MMD2: variants seen among roughly 807,000 people sequenced by gnomAD.
MMD2 encodes monocyte to macrophage differentiation associated 2, also known as monocyte to macrophage differentiation factor 2.
A neutral mutation model predicts 33.5 loss-of-function variants in MMD2; 30 were observed. The observed-to-expected ratio is 0.90, with a 90% CI of 0.67 to 1.22. The LOEUF is 1.22. Ranked by LOEUF, MMD2 falls within the 50% of genes most tolerant of loss-of-function variation. MMD2 has a pLI of 0.00. For synonymous variants in MMD2, 129 were observed against 123.0 expected, an observed-to-expected ratio of 1.05 and a Z score of -0.32; for missense variants, 364 against 325.4, an observed-to-expected ratio of 1.12 and a Z score of -0.91.
intron 2 of MMD2, among the ~76,000 whole-genome samples, chr7:4,924,298 C>A (rs1039170318): frequency 1.3e-5 from 2 of 152,268 alleles, no homozygotes; most frequent in African/African-American, 2.4e-5. Context: ...TTCTATGACA[C>A]CGGTGGCCCA....
the MMD2 span, among the ~76,000 whole-genome samples, chr7:4,895,568 G>A: frequency 5.9e-5 from 9 of 151,720 alleles, no homozygotes; most frequent in African/African-American, 1.5e-4. Context: ...ACGGAGTCTC[G>A]CTCTGTCACC....
intron 1 of MMD2, among the ~76,000 whole-genome samples, chr7:4,944,502 G>A (rs1225652336): frequency 6.6e-6 from 1 of 152,096 alleles, no homozygotes; most frequent in Non-Finnish European, 1.5e-5. Context: ...GATGCTCTCC[G>A]TTTTTCAACC....
Position 4,926,774 on chromosome 7 carries a change from G to T in MMD2, c.48-1242C>A, listed in dbSNP as rs553997441. ...TTTTCTTTTTTTTTGAGACGGAGTC[G>T]TGCTCTGTCGCCCAGGCTGGAGTGC... On this transcript the variant is annotated intron_variant, in intron 1 of 6. Coordinates refer to ENST00000401401, the MANE Select transcript of MMD2 (RefSeq NM_198403.4). Among the ~76,000 whole-genome samples the T allele has an allele frequency of 5.9e-5, 9 of 151,330 alleles. No individual in the cohort carries two copies. In the South Asian group the frequency reaches 6.3e-4, roughly 11 times the overall value.
At chr7:4,933,449 T>C (rs887918858) in intron 1 of MMD2, among the ~76,000 whole-genome samples, 1 of 152,098 alleles carries the variant, frequency 6.6e-6, no homozygotes, top group Admixed American at 6.6e-5. Context: ...TCCTGGTAAT[T>C]ATTCTCGACT....
Position 4,907,124 on chromosome 7 carries a change from C to T in MMD2, c.*272G>A, listed in dbSNP as rs1241254263. The T allele has an allele frequency of 1.2e-5, 5 of 425,066 alleles. No homozygotes were observed. The highest frequency in any genetic ancestry group is 2.1e-5 in the Non-Finnish European group (5 of 232,804). The allele number at this position is 425,066 out of a possible 1,614,324, so 26.3% of individuals were successfully genotyped here. A position where few individuals can be genotyped will look rare whatever the true frequency, so the allele number is the denominator to read the frequency against. On this transcript the variant is annotated 3_prime_UTR_variant, in exon 7 of 7. Coordinates refer to ENST00000401401, the MANE Select transcript of MMD2 (RefSeq NM_198403.4). ...TCCAGGACCATGCCTGCTTCCTTTT[C>T]TGAAGATGTTAATGTTGCTTGTATT...
downstream of MMD2, among the ~76,000 whole-genome samples, chr7:4,902,093 G>A (rs1285922890): frequency 1.3e-5 from 2 of 152,106 alleles, no homozygotes; most frequent in Non-Finnish European, 2.9e-5. Flanking sequence ...TGGGATTACA[G>A]GCGTGTGCCA....
At chr7:4,916,103 G>T in intron 3 of MMD2, 24 bp from the exon 4 acceptor site, 1 of 1,611,306 alleles carries the variant, frequency 6.2e-7, no homozygotes, top group Non-Finnish European at 8.5e-7. Context: ...GAAGCCGGCA[G>T]TCACAGCCCC....
intron 1 of MMD2, among the ~76,000 whole-genome samples, chr7:4,929,192 G>A (rs1454673816): frequency 2.0e-5 from 3 of 152,102 alleles, no homozygotes; most frequent in African/African-American, 7.2e-5. Flanking sequence ...CCATGGTCAC[G>A]TGATTCCAGT....
chr7:4,914,697 G>A (rs149860383), intron 4 of MMD2, among the ~76,000 whole-genome samples: 9 of 152,268 alleles, frequency 5.9e-5, no homozygotes, highest in Middle Eastern at 3.4e-3. Flanking sequence ...GTGGGAGGCC[G>A]AGGCAGGCAG....
Position 4,919,688 on chromosome 7 carries a change from C to T in MMD2, c.290+483G>A, listed in dbSNP as rs186055869. Among the ~76,000 whole-genome samples, 162 of 152,094 alleles carry T rather than the reference C, an allele frequency of 1.1e-3. 1 individual carries two copies. The highest frequency in any genetic ancestry group is 3.3e-3 in the African/African-American group (135 of 41,498). On this transcript the variant is annotated intron_variant, in intron 3 of 6. Transcript: ENST00000401401. ...ACCATCTGAGGTCAGGAGTTCGAGA[C>T]CAGCCTGGCCAACATGGCGAAACCC... is the stretch of plus-strand genomic sequence containing the variant.
At chr7:4,926,104 C>G (rs1183598719) in intron 1 of MMD2, among the ~76,000 whole-genome samples, 2 of 150,148 alleles carry the variant, frequency 1.3e-5, no homozygotes, top group Non-Finnish European at 3.0e-5. Context: ...CCACGCCGGG[C>G]TTTTTTTTTC....
intron 1 of MMD2, among the ~76,000 whole-genome samples, chr7:4,929,064 G>T (rs1216938753): frequency 6.6e-6 from 1 of 152,134 alleles, no homozygotes; most frequent in Non-Finnish European, 1.5e-5. Flanking sequence ...GTGAAAGCTG[G>T]GCAGGGGGGT....
chr7:4,952,798 TCTCCTGCCTCAGC>T (rs1481487917), intron 1 of MMD2, among the ~76,000 whole-genome samples: 1 of 151,268 alleles, frequency 6.6e-6, no homozygotes, highest in Non-Finnish European at 1.5e-5. Flanking sequence ...TTCAAGCAAT[TCTCCTGCCTCAGC>T]CTCCCGAGTA....
chr7:4,939,672 A>G (rs1230721825), intron 1 of MMD2, among the ~76,000 whole-genome samples: 2 of 152,122 alleles, frequency 1.3e-5, no homozygotes, highest in Non-Finnish European at 2.9e-5. Context: ...AGAAATAAGG[A>G]CACTCTGCAG....
intron 1 of MMD2, among the ~76,000 whole-genome samples, chr7:4,942,261 TA>T (rs1377348357): frequency 2.0e-5 from 3 of 147,508 alleles, no homozygotes; most frequent in Non-Finnish European, 4.5e-5. Context: ...TCTTATTTTT[TA>T]TTTTTATTTT....
At chr7:4,923,539 AG>A (rs1020013779) in intron 2 of MMD2, among the ~76,000 whole-genome samples, 8 of 152,148 alleles carry the variant, frequency 5.3e-5, no homozygotes, top group Admixed American at 1.3e-4. Flanking sequence ...TCCATTCTAC[AG>A]ATAAGGAAAC....
intron 6 of MMD2, among the ~76,000 whole-genome samples, chr7:4,908,394 G>A (rs1036201278): frequency 5.9e-5 from 9 of 151,854 alleles, no homozygotes; most frequent in African/African-American, 2.2e-4. Context: ...TGCCCACCTT[G>A]GCCTCCCAAA....
At chr7:4,952,689 A>ATTTTT (rs36030563) in intron 1 of MMD2, among the ~76,000 whole-genome samples, 1 of 110,590 alleles carries the variant, frequency 9.0e-6, no homozygotes, top group Non-Finnish European at 1.9e-5. Flanking sequence ...TCCGTATGAG[A>ATTTTT]TTTTTTTTTT....
chr7:4,952,577 CAGTT>C (rs1318680066), intron 1 of MMD2, among the ~76,000 whole-genome samples: 1 of 152,136 alleles, frequency 6.6e-6, no homozygotes. Context: ...CATTTCCTCA[CAGTT>C]AGTCCTACCA....
Sources: gnomAD v4.1 joint callset for allele counts (sites outside exome capture counted in the v4.1 genomes callset) on GRCh38, gnomAD v4.1.1 for gene constraint, MANE v1.5 for transcripts, NCBI Gene and HGNC (gene_info 2026-07-23, HGNC 2026-07-21) for gene names.